Variants in WNK3 observed in about 807,000 individuals in gnomAD.
WNK3 encodes the protein serine/threonine-protein kinase WNK3.
In WNK3, 18 loss-of-function variants were observed where a neutral mutation model predicts 116.7. That is an observed-to-expected ratio of 0.15 (90% confidence interval 0.11 to 0.23). The LOEUF (loss-of-function observed/expected upper bound fraction) is 0.23, where lower values mean the gene tolerates loss of function less well. Ranked by LOEUF, WNK3 falls within the 10% of genes least tolerant of loss-of-function variation. WNK3 has a pLI of 1.00. For missense variants in WNK3, 993 were observed against 1,323.8 expected (o/e 0.75, Z 3.88); for synonymous variants, 404 against 469.4 (o/e 0.86, Z 1.80).
chrX:54,339,372 T>C (rs782568244), intron 1 of WNK3, among the ~76,000 whole-genome samples: 2 of 110,726 alleles, frequency 1.8e-5, no homozygotes, highest in East Asian at 2.9e-4. Context: ...CACCCAACAA[T>C]AGCAAAATAG....
exon 24 of WNK3, chrX:54,197,952 TAAAA>T (rs782069866): frequency 3.6e-4 from 31 of 87,152 alleles, no homozygotes; most frequent in Admixed American, 4.3e-4. Flanking sequence ...TAGCAGCAGT[TAAAA>T]AAAAAAAAAA....
At chrX:54,224,303 T>G (rs1267706322) in intron 22 of WNK3, among the ~76,000 whole-genome samples, 2 of 105,209 alleles carry the variant, frequency 1.9e-5, no homozygotes, top group East Asian at 3.0e-4. Context: ...AGTGAGCTGA[T>G]ATCACGTCAT....
chrX:54,286,368 G>A (rs1030411070), intron 10 of WNK3, among the ~76,000 whole-genome samples: 1 of 110,917 alleles, frequency 9.0e-6, no homozygotes, highest in Non-Finnish European at 1.9e-5. Flanking sequence ...CGCACATACT[G>A]AAATCCATTA....
intron 10 of WNK3, among the ~76,000 whole-genome samples, chrX:54,273,331 G>A (rs965655903): frequency 6.3e-5 from 7 of 111,854 alleles, no homozygotes; most frequent in African/African-American, 1.9e-4. Flanking sequence ...GGTGGCTCAC[G>A]CCTGTAATCC....
At chrX:54,353,616 G>A (rs1316966994) in intron 1 of WNK3, among the ~76,000 whole-genome samples, 2 of 106,450 alleles carry the variant, frequency 1.9e-5, no homozygotes, top group African/African-American at 3.4e-5. Context: ...GCGTAGTGGC[G>A]GGCACCTGTT....
intron 22 of WNK3, among the ~76,000 whole-genome samples, chrX:54,222,329 T>C (rs1441536970): frequency 4.5e-5 from 5 of 110,174 alleles, no homozygotes; most frequent in East Asian, 2.8e-4. Flanking sequence ...GGTAGGAGGA[T>C]TGCTTAAGCC....
intron 6 of WNK3, among the ~76,000 whole-genome samples, chrX:54,299,290 C>T (rs782128664): frequency 9.0e-6 from 1 of 110,970 alleles, no homozygotes; most frequent in Non-Finnish European, 1.9e-5. Flanking sequence ...TGAGGATTTT[C>T]AACCCCCTAC....
At chrX:54,237,066 G>A (rs373994487) in exon 20 of WNK3, 18 of 1,210,578 alleles carry the variant, frequency 1.5e-5, no homozygotes, top group South Asian at 7.0e-5. Context: ...CTTGTTCTTC[G>A]TGGTGTGGTA....
chrX:54,269,489 A>G (rs1419283561), intron 10 of WNK3, among the ~76,000 whole-genome samples: 1 of 111,797 alleles, frequency 8.9e-6, no homozygotes, highest in Admixed American at 9.6e-5. Flanking sequence ...TCAGTACAAT[A>G]GCTTTGGAAA....
intron 1 of WNK3, among the ~76,000 whole-genome samples, chrX:54,340,091 A>G (rs1023367580): frequency 9.0e-6 from 1 of 111,104 alleles, no homozygotes; most frequent in Non-Finnish European, 1.9e-5. Flanking sequence ...CAGAGGTTAC[A>G]GTGAGCCGAG....
chrX:54,317,122 T>C (rs1440481028), intron 2 of WNK3, among the ~76,000 whole-genome samples: 1 of 109,807 alleles, frequency 9.1e-6, no homozygotes, highest in Admixed American at 9.8e-5. Context: ...TAAAGAGAAA[T>C]GAAATTCTGA....
chrX:54,210,577 T>C (rs2067602627), intron 22 of WNK3, among the ~76,000 whole-genome samples: 1 of 112,044 alleles, frequency 8.9e-6, no homozygotes, highest in Non-Finnish European at 1.9e-5. Flanking sequence ...CAGTGAGCTA[T>C]GACTGAGCCA....
intron 1 of WNK3, among the ~76,000 whole-genome samples, chrX:54,354,409 T>C (rs1557179026): frequency 1.8e-5 from 2 of 111,782 alleles, no homozygotes; most frequent in Admixed American, 1.9e-4. Flanking sequence ...ATAGAGCTGG[T>C]CTACTTATAT....
At chrX:54,298,526 T>C (rs782218709) in intron 6 of WNK3, 132 bp from the exon 7 acceptor site, 2 of 493,739 alleles carry the variant, frequency 4.1e-6, no homozygotes, top group Admixed American at 4.2e-5. Flanking sequence ...TTAATCTGCC[T>C]TGTTATAAAA....
chrX:54,309,897 A>C (rs975246435), intron 3 of WNK3, among the ~76,000 whole-genome samples: 2 of 111,085 alleles, frequency 1.8e-5, no homozygotes, highest in Admixed American at 1.9e-4. Context: ...ATGGCAGCAC[A>C]ATTTTAAAAA....
intron 22 of WNK3, among the ~76,000 whole-genome samples, chrX:54,222,979 ATATC>A (rs1378307057): frequency 2.9e-5 from 3 of 102,978 alleles, no homozygotes; most frequent in Non-Finnish European, 5.9e-5. Flanking sequence ...ACATTGGAAA[ATATC>A]TATTTAACAT....
intron 10 of WNK3, among the ~76,000 whole-genome samples, chrX:54,263,416 A>AT (rs1171605913): frequency 8.9e-6 from 1 of 111,973 alleles, no homozygotes; most frequent in Non-Finnish European, 1.9e-5. Flanking sequence ...CAATACAGGC[A>AT]TTTTTTCTAA....
At chrX:54,278,460 C>T (rs1416041015) in intron 10 of WNK3, among the ~76,000 whole-genome samples, 1 of 109,516 alleles carries the variant, frequency 9.1e-6, no homozygotes, top group East Asian at 2.9e-4. Flanking sequence ...TATTGGGTAG[C>T]AATCACACTA....
intron 1 of WNK3, among the ~76,000 whole-genome samples, chrX:54,337,597 T>TAAATAAATAAATAAATAAATAAATAAAA (rs1162943338): frequency 9.5e-6 from 1 of 105,180 alleles, no homozygotes; most frequent in East Asian, 2.9e-4. Context: ...AATAAATAAA[T>TAAATAAATAAATAAATAAATAAATAAAA]AAAATATTTG....
Sources: gnomAD v4.1 joint callset for allele counts (sites outside exome capture counted in the v4.1 genomes callset) on GRCh38, gnomAD v4.1.1 for gene constraint, MANE v1.5 for transcripts, NCBI Gene and HGNC (gene_info 2026-07-23, HGNC 2026-07-21) for gene names.